The following CNTN4 variants were observed in gnomAD, a reference collection of about 807,000 sequenced individuals.
CNTN4 encodes the protein contactin 4.
In CNTN4, 77 loss-of-function variants were observed where a neutral mutation model predicts 122.5. The observed-to-expected ratio is 0.63, with a 90% CI of 0.52 to 0.76. The LOEUF is 0.76. Among genes scored for constraint, CNTN4 ranks in the 30% least tolerant of loss-of-function variants. The pLI is 0.00. For synonymous variants in CNTN4, 512 were observed against 447.0 expected (o/e 1.15, Z -1.83); for missense variants, 1,256 against 1,259.1 (o/e 1.00, Z 0.04).
At chr3:2,618,111 T>A (rs1178135848) in intron 4 of CNTN4, among the ~76,000 whole-genome samples, 1 of 152,154 alleles carries the variant, frequency 6.6e-6, no homozygotes, top group East Asian at 1.9e-4. Flanking sequence ...CAGATACATG[T>A]TTACATGTAA....
At chr3:3,017,661 T>C (rs1015810889) in intron 14 of CNTN4, among the ~76,000 whole-genome samples, 70 of 152,202 alleles carry the variant, frequency 4.6e-4, no homozygotes, top group African/African-American at 1.7e-3. Context: ...GCAATGTCCT[T>C]TATTTTGCTA....
chr3:2,708,742 CACACACACACACACACACACA>C (rs2086906851), intron 4 of CNTN4, among the ~76,000 whole-genome samples: 1 of 30,252 alleles, frequency 3.3e-5, no homozygotes. Flanking sequence ...CACACACACA[CACACACACACACACACACACA>C]CACACTGCCC....
chr3:2,134,065 T>C (rs1199890819), intron 2 of CNTN4, among the ~76,000 whole-genome samples: 1 of 152,176 alleles, frequency 6.6e-6, no homozygotes, highest in Non-Finnish European at 1.5e-5. Context: ...ATGATCCTTC[T>C]TCACTTATTG....
chr3:2,653,842 A>G (rs943002310), intron 4 of CNTN4, among the ~76,000 whole-genome samples: 26 of 152,194 alleles, frequency 1.7e-4, no homozygotes, highest in Non-Finnish European at 3.4e-4. Context: ...TGTTAGGATC[A>G]AGTGACCAGT....
intron 3 of CNTN4, among the ~76,000 whole-genome samples, chr3:2,485,964 C>T (rs1224867146): frequency 1.3e-5 from 2 of 152,190 alleles, no homozygotes; most frequent in Non-Finnish European, 2.9e-5. Context: ...GGTGCCCTTC[C>T]ACACTGTGGA....
intron 2 of CNTN4, among the ~76,000 whole-genome samples, chr3:2,312,392 G>T (rs903136401): frequency 1.3e-5 from 2 of 152,038 alleles, no homozygotes; most frequent in Non-Finnish European, 1.5e-5. Context: ...TTGACATACA[G>T]CATAAAAGTC....
Position 2,121,599 on chromosome 3 carries a change from C to A in CNTN4, c.-145+20960C>A, listed in dbSNP as rs75209857. ...TATAGAACTTGTGCTGTATTTGGAA[C>A]CTTTCACTGAAGAATATAAGCAAAT... is the stretch of plus-strand genomic sequence containing the variant. On this transcript the variant is annotated intron_variant, in intron 2 of 24. Coordinates refer to ENST00000418658, the MANE Select transcript of CNTN4 (RefSeq NM_175607.3). 8.5e-5 allele frequency among the ~76,000 whole-genome samples: 13 copies of A among 152,140 alleles called. No homozygotes were observed. The East Asian group carries it at 2.3e-3, about 27-fold the overall frequency.
At chr3:2,610,754 C>T (rs2081446609) in intron 4 of CNTN4, among the ~76,000 whole-genome samples, 1 of 152,016 alleles carries the variant, frequency 6.6e-6, no homozygotes, top group African/African-American at 2.4e-5. Flanking sequence ...AAACTATAAA[C>T]ATACAGCCAA....
intron 2 of CNTN4, among the ~76,000 whole-genome samples, chr3:2,246,718 G>A (rs1201786900): frequency 6.6e-6 from 1 of 152,020 alleles, no homozygotes; most frequent in Non-Finnish European, 1.5e-5. Context: ...GAAAAGGAGA[G>A]AGGGGATGGT....
At chr3:2,247,920 A>G (rs2040218035) in intron 2 of CNTN4, among the ~76,000 whole-genome samples, 1 of 151,924 alleles carries the variant, frequency 6.6e-6, no homozygotes, top group African/African-American at 2.4e-5. Context: ...CTCTCCTTGA[A>G]TTGTTTTTCC....
chr3:2,340,709 A>ATATATATATATATG (rs1401975406), intron 3 of CNTN4, among the ~76,000 whole-genome samples: 1 of 101,372 alleles, frequency 9.9e-6, no homozygotes, highest in African/African-American at 3.6e-5. Context: ...ATATATATAT[A>ATATATATATATATG]TAGAGAGAGA....
intron 10 of CNTN4, among the ~76,000 whole-genome samples, chr3:2,895,249 T>G (rs764519571): frequency 3.9e-5 from 6 of 152,100 alleles, no homozygotes; most frequent in Admixed American, 6.5e-5. Flanking sequence ...GTGCTGGGAT[T>G]ACAGGCATGA....
intron 13 of CNTN4, among the ~76,000 whole-genome samples, chr3:2,950,209 T>A (rs748939550): frequency 6.6e-6 from 1 of 152,258 alleles, no homozygotes; most frequent in Non-Finnish European, 1.5e-5. Context: ...TGGAGTGGGA[T>A]GCTGTGTATT....
intron 13 of CNTN4, among the ~76,000 whole-genome samples, chr3:2,937,231 G>T (rs949007115): frequency 2.0e-5 from 3 of 152,202 alleles, no homozygotes; most frequent in Non-Finnish European, 4.4e-5. Context: ...CAAAGGGGAA[G>T]TGAATTTGGT....
chr3:2,995,871 T>C (rs1327650336), intron 14 of CNTN4, among the ~76,000 whole-genome samples: 2 of 152,228 alleles, frequency 1.3e-5, no homozygotes, highest in African/African-American at 2.4e-5. Context: ...AATTCCATTT[T>C]CTGGGCATTT....
chr3:2,218,171 CT>C (rs2038923974), intron 2 of CNTN4, among the ~76,000 whole-genome samples: 1 of 151,984 alleles, frequency 6.6e-6, no homozygotes, highest in Admixed American at 6.6e-5. Flanking sequence ...ACAATAACGG[CT>C]TTTTATGGTG....
At chr3:2,854,920 A>G (rs572865032) in intron 7 of CNTN4, among the ~76,000 whole-genome samples, 1 of 152,220 alleles carries the variant, frequency 6.6e-6, no homozygotes, top group Non-Finnish European at 1.5e-5. Flanking sequence ...GCTTAGCTTA[A>G]AGTAAGAAGA....
chr3:2,835,898 T>C (rs1419830794), intron 7 of CNTN4, among the ~76,000 whole-genome samples: 1 of 151,894 alleles, frequency 6.6e-6, no homozygotes, highest in African/African-American at 2.4e-5. Context: ...AGAAAGAAGA[T>C]AAAACTCAAA....
intron 13 of CNTN4, among the ~76,000 whole-genome samples, chr3:2,951,157 C>A (rs1357029362): frequency 6.6e-6 from 1 of 152,176 alleles, no homozygotes; most frequent in Non-Finnish European, 1.5e-5. Flanking sequence ...AACAATGAAT[C>A]TTCCCTCTAC....
Sources: allele counts gnomAD v4.1 joint callset (sites outside exome capture counted in the v4.1 genomes callset), GRCh38; gene constraint gnomAD v4.1.1; transcripts MANE v1.5; gene names NCBI Gene and HGNC (gene_info 2026-07-23, HGNC 2026-07-21).